The following SGCE variants were observed in gnomAD, a reference collection of about 807,000 sequenced individuals.
SGCE encodes the protein sarcoglycan epsilon.
A neutral mutation model predicts 57.8 loss-of-function variants in SGCE; 26 were observed. That is an observed-to-expected ratio of 0.45 (90% confidence interval 0.33 to 0.62). The LOEUF (loss-of-function observed/expected upper bound fraction) is 0.62, where lower values mean the gene tolerates loss of function less well. SGCE is among the 20% of genes least tolerant of loss of function. The probability of loss-of-function intolerance (pLI) is 0.02; values close to 1 mark genes in which losing one functional copy is unlikely to be tolerated. For missense variants in SGCE, 468 were observed against 548.6 expected, an observed-to-expected ratio of 0.85 and a Z score of 1.47; for synonymous variants, 183 against 189.5, an observed-to-expected ratio of 0.97 and a Z score of 0.28.
chr7:94,586,308 TAAAAG>T (rs923538578), intron 10 of SGCE, among the ~76,000 whole-genome samples: 1 of 151,970 alleles, frequency 6.6e-6, no homozygotes, highest in Admixed American at 6.6e-5. Flanking sequence ...ATAATCAGGG[TAAAAG>T]AAAAGAAAAG....
intron 1 of SGCE, among the ~76,000 whole-genome samples, chr7:94,639,101 GT>G (rs1395436963): frequency 6.6e-6 from 1 of 152,130 alleles, no homozygotes; most frequent in Non-Finnish European, 1.5e-5. Context: ...ATGGTTTTTA[GT>G]TTTTCTTTAA....
chr7:94,632,291 G>C (rs1804838722), intron 1 of SGCE, among the ~76,000 whole-genome samples: 1 of 151,880 alleles, frequency 6.6e-6, no homozygotes, highest in African/African-American at 2.4e-5. Context: ...TAAAGAAAGG[G>C]TACCTGCCAC....
At chr7:94,639,441 T>TA in intron 1 of SGCE, 1 of 1,523,748 alleles carries the variant, frequency 6.6e-7, no homozygotes, top group African/African-American at 1.4e-5. Flanking sequence ...CACAGCTTAA[T>TA]AAAAAAGCTT....
chr7:94,622,861 A>G (rs1357648001), intron 4 of SGCE, among the ~76,000 whole-genome samples: 1 of 152,160 alleles, frequency 6.6e-6, no homozygotes, highest in Non-Finnish European at 1.5e-5. Flanking sequence ...GTTATGGTTT[A>G]TTTGTTTTCC....
At chr7:94,598,477 A>T in intron 9 of SGCE, 4 of 333,834 alleles carry the variant, frequency 1.2e-5, no homozygotes, top group Non-Finnish European at 1.7e-5. Context: ...TCTTTTTTTT[A>T]TAATTAACTC....
At chr7:94,602,702 C>T (rs1279737929) in intron 6 of SGCE, among the ~76,000 whole-genome samples, 1 of 151,994 alleles carries the variant, frequency 6.6e-6, no homozygotes, top group Non-Finnish European at 1.5e-5. Context: ...TTACACATAT[C>T]TTACATATAT....
chr7:94,648,585 A>G (rs975917392), intron 1 of SGCE, among the ~76,000 whole-genome samples: 21 of 152,190 alleles, frequency 1.4e-4, no homozygotes, highest in African/African-American at 5.1e-4. Flanking sequence ...TGATAAGCAC[A>G]TGTAGTCATC....
intron 2 of SGCE, chr7:94,629,187 C>T (rs1342433222): frequency 1.3e-5 from 2 of 152,290 alleles, no homozygotes; most frequent in Admixed American, 6.6e-5. Flanking sequence ...TTTATGATCA[C>T]TCAAAATAAC....
chr7:94,633,802 G>T (rs1314097358), intron 1 of SGCE, among the ~76,000 whole-genome samples: 3 of 152,046 alleles, frequency 2.0e-5, no homozygotes, highest in Admixed American at 1.3e-4. Flanking sequence ...TACTATGGTG[G>T]TACGCTGCCA....
chr7:94,653,882 T>A (rs1223269921), intron 1 of SGCE, among the ~76,000 whole-genome samples: 1 of 152,006 alleles, frequency 6.6e-6, no homozygotes, highest in African/African-American at 2.4e-5. Flanking sequence ...AAAAAATTAA[T>A]ATTATTTCCT....
chr7:94,628,467 G>A, intron 2 of SGCE, 108 bp from the exon 3 acceptor site: 1 of 893,506 alleles, frequency 1.1e-6, no homozygotes, highest in Non-Finnish European at 1.8e-6. Context: ...TACATTTGTA[G>A]CCAACTAAAT....
intron 5 of SGCE, among the ~76,000 whole-genome samples, chr7:94,603,675 C>A (rs187247833): frequency 1.9e-3 from 289 of 152,194 alleles, no homozygotes; most frequent in African/African-American, 6.7e-3. Context: ...ATACCAGATA[C>A]TCTCTCCATT....
At chr7:94,623,975 T>G (rs557799783) in intron 3 of SGCE, 63 of 383,322 alleles carry the variant, frequency 1.6e-4, no homozygotes, top group Admixed American at 1.1e-3. Context: ...CACAAATCAA[T>G]CCCTTCATAC....
chr7:94,585,564 T>C (rs774597406), intron 10 of SGCE, 49 bp from the exon 11 acceptor site: 1 of 1,312,626 alleles, frequency 7.6e-7, no homozygotes, highest in Non-Finnish European at 1.1e-6. Flanking sequence ...AGGGCATGGA[T>C]ACTTTTAGAT....
At chr7:94,589,915 C>T (rs955999148) in intron 9 of SGCE, 1 of 152,722 alleles carries the variant, frequency 6.5e-6, no homozygotes, top group Admixed American at 6.5e-5. Flanking sequence ...AAACCATCCC[C>T]CACTCCTGGT....
intron 9 of SGCE, among the ~76,000 whole-genome samples, chr7:94,594,706 T>C (rs895165635): frequency 6.6e-6 from 1 of 152,136 alleles, no homozygotes; most frequent in Admixed American, 6.6e-5. Context: ...GAGGCGTATC[T>C]GGGAACTCTC....
intron 4 of SGCE, among the ~76,000 whole-genome samples, chr7:94,623,024 C>A (rs1803058001): frequency 6.6e-6 from 1 of 152,200 alleles, no homozygotes; most frequent in East Asian, 1.9e-4. Flanking sequence ...ACTTGTGAAT[C>A]CTTACCCCAC....
chr7:94,650,176 A>G (rs1332487038), intron 1 of SGCE, among the ~76,000 whole-genome samples: 1 of 152,218 alleles, frequency 6.6e-6, no homozygotes, highest in Non-Finnish European at 1.5e-5. Flanking sequence ...TTTGATAAAA[A>G]TATTTTATTT....
In SGCE at chr7:94,618,904, T is replaced by G; in HGVS notation, c.516A>C (p.Glu172Asp). The change falls in exon 5 of 11, where the codon GAA becomes GAC. Residue 172 changes from glutamate to aspartate, a missense_variant. Coordinates refer to ENST00000648936, the MANE Select transcript of SGCE (RefSeq NM_003919.3). Reference sequence around the variant, plus strand: ...CAAGAACCTCACTGGCCAACATTTCTTCTACATTCATATTCTTAATGAAGA... The same window carrying G: ...CAAGAACCTCACTGGCCAACATTTCGTCTACATTCATATTCTTAATGAAGA... ...AEFFIKNMNV[E>D]EMLASEVLGD... The G allele has an allele frequency of 1.2e-6, 2 of 1,614,054 alleles. No individual in the cohort carries two copies. Among genetic ancestry groups the G allele is most frequent in the Non-Finnish European group, 1.7e-6 (2 of 1,179,930 alleles).
Sources: gnomAD v4.1 joint callset for allele counts (sites outside exome capture counted in the v4.1 genomes callset) on GRCh38, gnomAD v4.1.1 for gene constraint, MANE v1.5 for transcripts, NCBI Gene and HGNC (gene_info 2026-07-23, HGNC 2026-07-21) for gene names.